EDEM3: variants seen among roughly 807,000 people sequenced by gnomAD.
EDEM3 encodes the protein ER degradation-enhancing alpha-mannosidase-like protein 3.
EDEM3 carries 60 observed loss-of-function variants against 110.2 expected under a neutral mutation model. The ratio of observed to expected loss-of-function variants is 0.54; its 90% confidence interval spans 0.44 to 0.67. EDEM3 has a LOEUF of 0.67. Among genes scored for constraint, EDEM3 ranks in the 30% least tolerant of loss-of-function variants. The pLI is 0.00. For missense variants in EDEM3, 996 were observed against 1,121.0 expected (o/e 0.89, Z 1.59); for synonymous variants, 352 against 382.9 (o/e 0.92, Z 0.94).
At chr1:184,753,210 TTC>T (rs925209413) in intron 1 of EDEM3, among the ~76,000 whole-genome samples, 6 of 152,122 alleles carry the variant, frequency 3.9e-5, no homozygotes, top group African/African-American at 9.7e-5. Context: ...GATTTTTTTT[TTC>T]TTTTTTAAAA....
At position 184,711,873 on chromosome 1, in the gene EDEM3, G is replaced by A. The variant is rs201214078; in HGVS notation, c.1541C>T (p.Ser514Leu). ...ACTGTCATCCAGTTCTGTATATTCC[G>A]AGGTCTACAAGAGAAAAACATTTTA... is the stretch of plus-strand genomic sequence containing the variant. ...NQSISKKNTTSEYTELDDSNF... is the reference protein window; with the variant it reads ...NQSISKKNTTLEYTELDDSNF... Residue 514 changes from serine (S) to leucine (L), a missense_variant, in exon 15 of 20, where the codon TCG becomes TTG. Around this residue, in one of 5 missense-constraint regions of EDEM3, gnomAD observed 138 missense variants for 124.3 expected, o/e 1.11. Transcript: ENST00000318130. 41 of 1,600,132 alleles carry A rather than the reference G, an allele frequency of 2.6e-5. No individual in the cohort carries two copies. The highest frequency in any genetic ancestry group is 3.4e-5 in the South Asian group (3 of 87,778).
chr1:184,746,991 ACACAAAGATATAT>A (rs1217082225), intron 2 of EDEM3, among the ~76,000 whole-genome samples: 5 of 151,564 alleles, frequency 3.3e-5, no homozygotes, highest in Non-Finnish European at 2.9e-5. Context: ...TTGCATTTAA[ACACAAAGATATAT>A]CACAATGATC....
At position 184,719,474 on chromosome 1, in the gene EDEM3, T is replaced by C; in HGVS notation, c.1046A>G (p.Asp349Gly). 6.2e-7 allele frequency: 1 copy of C among 1,613,626 alleles called. No individual in the cohort carries two copies. Among genetic ancestry groups the C allele is most frequent in the Non-Finnish European group, 8.5e-7 (1 of 1,179,878 alleles). ...GCCTGGGAAGAAGGCAAGCAAAGCA[T>C]CCATCCAAGTCCGAGCATTCAGCAT... ...KPMLNARTWMDALLAFFPGLQ... is the reference protein window; with the variant it reads ...KPMLNARTWMGALLAFFPGLQ... Residue 349 changes from aspartate to glycine, a missense_variant, in exon 10 of 20, where the codon GAT (aspartate) becomes GGT (glycine). Around this residue, in one of 5 missense-constraint regions of EDEM3, gnomAD observed 310 missense variants for 394.6 expected, o/e 0.79. Coordinates refer to ENST00000318130, the MANE Select transcript of EDEM3 (RefSeq NM_025191.4).
rs527351690 is a variant in EDEM3 at position 184,695,009 on chromosome 1, C to T, written c.2390-537G>A. On this transcript the variant is annotated intron_variant, in intron 19 of 19. Coordinates refer to ENST00000318130, the MANE Select transcript of EDEM3 (RefSeq NM_025191.4). ...GTATTAATGTGACTGATCAGAAATA[C>T]TTTCACAAGACAAGAACTGAGATTA... Among the ~76,000 whole-genome samples, 284 of 151,994 alleles carry T rather than the reference C, an allele frequency of 1.9e-3. 1 individual carries two copies. Among genetic ancestry groups the T allele is most frequent in the Non-Finnish European group, 2.8e-3 (193 of 67,936 alleles).
intron 6 of EDEM3, among the ~76,000 whole-genome samples, chr1:184,731,429 C>T (rs886842081): frequency 5.9e-5 from 9 of 152,214 alleles, no homozygotes; most frequent in African/African-American, 2.2e-4. Flanking sequence ...CCTCTTTATT[C>T]ACTACAACTT....
intron 4 of EDEM3, among the ~76,000 whole-genome samples, chr1:184,736,328 C>T (rs1309623771): frequency 6.6e-6 from 1 of 151,976 alleles, no homozygotes; most frequent in Non-Finnish European, 1.5e-5. Context: ...TCTGATACCC[C>T]AAAGGTTTTT....
Position 184,754,775 on chromosome 1 carries a change from C to A in EDEM3, c.-129G>T. The A allele has an allele frequency of 7.4e-7, 1 of 1,356,378 alleles. No homozygotes were observed. Among genetic ancestry groups the A allele is most frequent in the South Asian group, 1.6e-5 (1 of 61,876 alleles). 84.0% of individuals were successfully genotyped at this position (1,356,378 alleles called of 1,614,324 possible). ...GATGCGGAGTAACACGGACGGCCGC[C>A]GGCGCCAAACTGTTTCCCGAAGCCA... is the stretch of plus-strand genomic sequence containing the variant. On this transcript the variant is annotated 5_prime_UTR_variant, in exon 1 of 20. Coordinates refer to ENST00000318130, the MANE Select transcript of EDEM3 (RefSeq NM_025191.4).
At position 184,719,158 on chromosome 1, in the gene EDEM3, T is replaced by C. The variant is rs1650730364; in HGVS notation, c.1161+4A>G. Reference sequence around the variant, plus strand: ...TAAGATTATTCCAAAAATTATTTGCTTACCTCTGGTAGAAAATTGTGTTTT... The same window carrying C: ...TAAGATTATTCCAAAAATTATTTGCCTACCTCTGGTAGAAAATTGTGTTTT... On this transcript the variant is annotated splice_donor_region_variant and intron_variant, in intron 11 of 19. Transcript: ENST00000318130. 5.2e-6 allele frequency: 8 copies of C among 1,544,574 alleles called. No individual in the cohort carries two copies. The highest frequency in any genetic ancestry group is 2.3e-5 in the East Asian group (1 of 44,178).
At chr1:184,697,008 G>A (rs1649366688) in intron 19 of EDEM3, among the ~76,000 whole-genome samples, 1 of 151,760 alleles carries the variant, frequency 6.6e-6, no homozygotes, top group African/African-American at 2.4e-5. Context: ...ATCGTACACT[G>A]TCAAAGCAAC....
At chr1:184,697,675 T>C (rs1244787614) in intron 19 of EDEM3, among the ~76,000 whole-genome samples, 2 of 151,818 alleles carry the variant, frequency 1.3e-5, no homozygotes, top group Non-Finnish European at 2.9e-5. Flanking sequence ...CTAACTTTTA[T>C]TTTAAAATTC....
At chr1:184,740,722 T>G (rs112669993) in intron 2 of EDEM3, among the ~76,000 whole-genome samples, 27 of 152,294 alleles carry the variant, frequency 1.8e-4, no homozygotes, top group African/African-American at 6.0e-4. Flanking sequence ...TGAACATAAA[T>G]GAGGTTATCA....
intron 13 of EDEM3, among the ~76,000 whole-genome samples, chr1:184,714,117 T>C (rs934557210): frequency 2.0e-5 from 3 of 152,228 alleles, no homozygotes; most frequent in Non-Finnish European, 4.4e-5. Flanking sequence ...AAATGCTATC[T>C]TGAGAACTGC....
intron 14 of EDEM3, among the ~76,000 whole-genome samples, chr1:184,712,175 C>G (rs1329637884): frequency 6.6e-6 from 1 of 152,078 alleles, no homozygotes; most frequent in Admixed American, 6.5e-5. Context: ...ATCCACCTAC[C>G]TGGGCCTCCC....
At chr1:184,704,837 C>T (rs1445925557) in intron 18 of EDEM3, among the ~76,000 whole-genome samples, 1 of 151,702 alleles carries the variant, frequency 6.6e-6, no homozygotes, top group Non-Finnish European at 1.5e-5. Flanking sequence ...GCAGGCAGAA[C>T]ACCTGAGGTC....
At chr1:184,717,441 A>G (rs1558052968) in intron 12 of EDEM3, 99 bp downstream of exon 12, 1 of 853,244 alleles carries the variant, frequency 1.2e-6, no homozygotes, top group African/African-American at 1.8e-5. Flanking sequence ...TATAATATTA[A>G]AAGGGGACTC....
At chr1:184,701,571 AG>A in intron 19 of EDEM3, 1 of 1,274,204 alleles carries the variant, frequency 7.8e-7, no homozygotes, top group Non-Finnish European at 1.0e-6. Context: ...AGCACAAAAT[AG>A]GGGGAAAAAA....
At position 184,692,396 on chromosome 1, in the gene EDEM3, CTCCCTGACTCAA is replaced by C. The variant is rs1649098929; in HGVS notation, c.*1655_*1666del. ...AGTGAATTCTCCATCAGATTTACTA[CTCCCTGACTCAA>C]TTATATTTACCTGGAATATCTGAAT... On this transcript the variant is annotated 3_prime_UTR_variant, in exon 20 of 20. Coordinates refer to ENST00000318130, the MANE Select transcript of EDEM3 (RefSeq NM_025191.4). The C allele has an allele frequency of 6.6e-6, 1 of 152,068 alleles. No homozygotes were observed. Among genetic ancestry groups the C allele is most frequent in the African/African-American group, 2.4e-5 (1 of 41,414 alleles). The allele number at this position is 152,068 out of a possible 1,614,324, so 9.4% of individuals were successfully genotyped here.
rs549026351 is a variant in EDEM3, at chr1:184,724,044, A to C, written c.748-188T>G. Among the ~76,000 whole-genome samples, 100 of 152,100 alleles carry C rather than the reference A, an allele frequency of 6.6e-4. 2 individuals carry two copies. In the South Asian group the frequency reaches 0.017, roughly 25 times the overall value. On this transcript the variant is annotated intron_variant, in intron 7 of 19. Transcript: ENST00000318130. Reference sequence around the variant, plus strand: ...CTCAAAGCTTGGCTCTTTTTCAACCAATCAGTGTAGTTAGGAAAGACTCTG... The same window carrying C: ...CTCAAAGCTTGGCTCTTTTTCAACCCATCAGTGTAGTTAGGAAAGACTCTG...
chr1:184,695,201 C>T (rs999431175), intron 19 of EDEM3, among the ~76,000 whole-genome samples: 7 of 151,968 alleles, frequency 4.6e-5, no homozygotes, highest in Admixed American at 2.6e-4. Flanking sequence ...ATAGCATCGA[C>T]GCCTACATGC....
Sources: gnomAD v4.1 joint callset for allele counts (sites outside exome capture counted in the v4.1 genomes callset) on GRCh38, gnomAD v4.1.1 for gene constraint, gnomAD v4.1.1 regional missense constraint, MANE v1.5 for transcripts, NCBI Gene and HGNC (gene_info 2026-07-23, HGNC 2026-07-21) for gene names.